The following ATP8A2 variants were observed in gnomAD, a reference collection of about 807,000 sequenced individuals.
ATP8A2 encodes the protein ATPase phospholipid transporting 8A2.
Under a neutral mutation model 165.6 loss-of-function variants are expected in ATP8A2, and 100 were observed. The ratio of observed to expected loss-of-function variants is 0.60; its 90% CI spans 0.51 to 0.71. The LOEUF (loss-of-function observed/expected upper bound fraction) is 0.71. Among genes scored for constraint, ATP8A2 ranks in the 30% least tolerant of loss-of-function variants. The probability of loss-of-function intolerance (pLI) is 0.00; values close to 1 mark genes in which losing one functional copy is unlikely to be tolerated. For synonymous variants in ATP8A2, 543 were observed against 548.8 expected (o/e 0.99, Z 0.15); for missense variants, 1,227 against 1,479.5 (o/e 0.83, Z 2.80).
At chr13:25,518,023 T>C (rs1444760915) in intron 2 of ATP8A2, among the ~76,000 whole-genome samples, 2 of 152,210 alleles carry the variant, frequency 1.3e-5, no homozygotes, top group Non-Finnish European at 2.9e-5. Flanking sequence ...TTGCCATCCA[T>C]TGGAATGTCC....
At chr13:25,454,429 C>T (rs770721586) in intron 1 of ATP8A2, among the ~76,000 whole-genome samples, 1 of 151,928 alleles carries the variant, frequency 6.6e-6, no homozygotes, top group Non-Finnish European at 1.5e-5. Flanking sequence ...CTGGGGACAA[C>T]CTCTCTGAAC....
intron 33 of ATP8A2, among the ~76,000 whole-genome samples, chr13:25,916,346 G>A (rs1157510603): frequency 1.3e-5 from 2 of 152,194 alleles, no homozygotes; most frequent in South Asian, 2.1e-4. Context: ...GAACTGTGTC[G>A]ACGGTACCAG....
intron 2 of ATP8A2, among the ~76,000 whole-genome samples, chr13:25,476,727 GAA>G (rs2036005743): frequency 6.6e-6 from 1 of 152,224 alleles, no homozygotes; most frequent in Non-Finnish European, 1.5e-5. Context: ...TGCTGATGTT[GAA>G]AACAGTCTCA....
intron 25 of ATP8A2, among the ~76,000 whole-genome samples, chr13:25,738,499 C>T (rs1326841684): frequency 1.3e-5 from 2 of 152,168 alleles, no homozygotes; most frequent in Non-Finnish European, 2.9e-5. Context: ...TAAAAATATG[C>T]TGTGATTGGA....
At position 25,383,001 on chromosome 13, in the gene ATP8A2, C is replaced by T. The variant is rs546163074; in HGVS notation, c.76+10713C>T. ...CCATCTCCTGACTTCGTGATCTGCC[C>T]ACCTTGGCCTCCCAAAGTGCTGGGA... is the stretch of plus-strand genomic sequence containing the variant. On this transcript the variant is annotated intron_variant, in intron 1 of 36. Coordinates refer to ENST00000381655, the MANE Select transcript of ATP8A2 (RefSeq NM_016529.6). Among the ~76,000 whole-genome samples the T allele has an allele frequency of 6.4e-4, 96 of 149,838 alleles. No homozygotes were observed. In the Middle Eastern group the frequency reaches 0.021, roughly 33 times the overall value.
rs940463163 is a variant in ATP8A2 at position 25,968,774 on chromosome 13, G to A, written c.3377+95G>A. 21 of 990,156 alleles carry A rather than the reference G, an allele frequency of 2.1e-5. No individual in the cohort carries two copies. In the East Asian group the frequency reaches 3.6e-4, roughly 17 times the overall value. 61.3% of individuals were successfully genotyped at this position (990,156 alleles called of 1,614,324 possible). On this transcript the variant is annotated intron_variant, in intron 35 of 36. Coordinates refer to ENST00000381655, the MANE Select transcript of ATP8A2 (RefSeq NM_016529.6). ...ATTTCTTTTTCTCATCTTGGTTTTCGATGGGAGCACAGTATGCTCAGGCTT... is the reference window on the plus strand; with the variant it reads ...ATTTCTTTTTCTCATCTTGGTTTTCAATGGGAGCACAGTATGCTCAGGCTT...
chr13:25,940,954 G>A (rs182752273), intron 33 of ATP8A2, among the ~76,000 whole-genome samples: 4 of 152,196 alleles, frequency 2.6e-5, no homozygotes, highest in African/African-American at 9.7e-5. Context: ...CTGGGCACGT[G>A]CCATGGTGTG....
chr13:25,902,108 A>G (rs1953769274), intron 33 of ATP8A2, among the ~76,000 whole-genome samples: 1 of 152,320 alleles, frequency 6.6e-6, no homozygotes, highest in East Asian at 1.9e-4. Flanking sequence ...ATGGGGTTTA[A>G]AAAGGACAAT....
chr13:25,727,366 G>C (rs1342705978), intron 25 of ATP8A2, among the ~76,000 whole-genome samples: 2 of 152,164 alleles, frequency 1.3e-5, no homozygotes, highest in Non-Finnish European at 2.9e-5. Context: ...TGGCCAACCA[G>C]GAAAGTGATT....
At chr13:25,646,614 C>G (rs1593128698) in intron 24 of ATP8A2, among the ~76,000 whole-genome samples, 1 of 131,018 alleles carries the variant, frequency 7.6e-6, no homozygotes, top group Admixed American at 9.0e-5. Context: ...AAGATCGTGC[C>G]TCTGTACTCC....
Position 25,896,686 on chromosome 13 carries a change from C to T in ATP8A2, c.3183+34278C>T, listed in dbSNP as rs1204442716. 2.6e-5 allele frequency among the ~76,000 whole-genome samples: 4 copies of T among 152,190 alleles called. No homozygotes were observed. The South Asian group carries it at 8.3e-4, about 32-fold the overall frequency. On this transcript the variant is annotated intron_variant, in intron 33 of 36. Transcript: ENST00000381655. Reference sequence around the variant, plus strand: ...GGAGTCTAAGTCTCTTTGTAGTTCTCTAAGGACTTGCTTTATGAATCTGGG... The same window carrying T: ...GGAGTCTAAGTCTCTTTGTAGTTCTTTAAGGACTTGCTTTATGAATCTGGG...
chr13:25,794,752 CAAGGATAACATCTATCAGA>C (rs1346659718), intron 27 of ATP8A2, among the ~76,000 whole-genome samples: 1 of 151,114 alleles, frequency 6.6e-6, no homozygotes, highest in Non-Finnish European at 1.5e-5. Context: ...TGAATCAGGC[CAAGGATAACATCTATCAGA>C]AAGGTCTTTT....
At chr13:25,402,605 T>C (rs28714254) in intron 1 of ATP8A2, among the ~76,000 whole-genome samples, 1 of 152,226 alleles carries the variant, frequency 6.6e-6, no homozygotes. Context: ...TGAGTCAGAC[T>C]GGGCTCCAGT....
chr13:25,482,925 T>C (rs1019489670), intron 2 of ATP8A2, among the ~76,000 whole-genome samples: 2 of 152,196 alleles, frequency 1.3e-5, no homozygotes, highest in African/African-American at 2.4e-5. Context: ...AATTGCCCAG[T>C]CTGGGGCATG....
chr13:25,843,837 A>G (rs1951800020), intron 30 of ATP8A2, among the ~76,000 whole-genome samples: 2 of 152,170 alleles, frequency 1.3e-5, no homozygotes, highest in African/African-American at 2.4e-5. Context: ...CGACTACAGC[A>G]TAGAGAGGAG....
At chr13:25,786,751 T>A (rs2045036669) in intron 27 of ATP8A2, among the ~76,000 whole-genome samples, 1 of 121,580 alleles carries the variant, frequency 8.2e-6, no homozygotes, top group Non-Finnish European at 1.7e-5. Flanking sequence ...TGCACAATTC[T>A]ATGTTTTTTT....
Position 26,025,263 on chromosome 13 carries a change from G to C in ATP8A2, c.*5278G>C, listed in dbSNP as rs188178750. The C allele has an allele frequency of 6.6e-6, 1 of 151,008 alleles. No homozygotes were observed. The highest frequency in any genetic ancestry group is 2.4e-5 in the African/African-American group (1 of 41,052). 9.4% of individuals were successfully genotyped at this position (151,008 alleles called of 1,614,324 possible). A position where few individuals can be genotyped will look rare whatever the true frequency, so the allele number is the denominator to read the frequency against. The stretch of plus-strand genomic sequence containing the variant: ...ACTGAAACTCCTACTCTCCCCTCCC[G>C]CCCCACTCTCCCCCGTTGCCCGAGA... On this transcript the variant is annotated 3_prime_UTR_variant, in exon 37 of 37. Coordinates refer to ENST00000381655, the MANE Select transcript of ATP8A2 (RefSeq NM_016529.6).
In ATP8A2 at chr13:25,624,385, G is replaced by T. The variant is rs548706034; in HGVS notation, c.2211+34686G>T. ...GAAATTACAGAAATGGCCTCAGCTT[G>T]ATTGAGTTATAACCTTCACTGTCTG... On this transcript the variant is annotated intron_variant, in intron 24 of 36. Coordinates refer to ENST00000381655, the MANE Select transcript of ATP8A2 (RefSeq NM_016529.6). Among the ~76,000 whole-genome samples the T allele has an allele frequency of 2.6e-4, 39 of 152,278 alleles. No individual in the cohort carries two copies. The Middle Eastern group carries it at 0.02, about 80-fold the overall frequency.
intron 2 of ATP8A2, among the ~76,000 whole-genome samples, chr13:25,507,536 G>A (rs888763155): frequency 1.3e-5 from 2 of 151,954 alleles, no homozygotes; most frequent in African/African-American, 4.8e-5. Context: ...AAAGTGCTAG[G>A]ATTACAGGTG....
Sources: gnomAD v4.1 joint callset for allele counts (sites outside exome capture counted in the v4.1 genomes callset) on GRCh38, gnomAD v4.1.1 for gene constraint, MANE v1.5 for transcripts, NCBI Gene and HGNC (gene_info 2026-07-23, HGNC 2026-07-21) for gene names.